CDH12: variants seen among roughly 807,000 people sequenced by gnomAD.
CDH12 encodes cadherin 12.
In CDH12, 41 loss-of-function variants were observed where a neutral mutation model predicts 74.1. The ratio of observed to expected loss-of-function variants is 0.55; its 90% CI spans 0.43 to 0.72. The LOEUF (loss-of-function observed/expected upper bound fraction) is 0.72, where lower values mean the gene tolerates loss of function less well. Among genes scored for constraint, CDH12 ranks in the 30% least tolerant of loss-of-function variants. The pLI is 0.00. For missense variants in CDH12, 945 were observed against 977.2 expected (o/e 0.97, Z 0.44); for synonymous variants, 399 against 355.0 (o/e 1.12, Z -1.39).
intron 1 of CDH12, among the ~76,000 whole-genome samples, chr5:22,665,366 G>T (rs960639604): frequency 8.5e-5 from 13 of 152,112 alleles, no homozygotes; most frequent in Non-Finnish European, 4.4e-5. Context: ...GGATTTAAGA[G>T]ACTTAAGGGG....
At chr5:22,503,323 G>T (rs1482109993) in intron 2 of CDH12, among the ~76,000 whole-genome samples, 2 of 152,006 alleles carry the variant, frequency 1.3e-5, no homozygotes, top group Non-Finnish European at 2.9e-5. Flanking sequence ...ATAAAAGGGG[G>T]TGGTAACATC....
intron 1 of CDH12, among the ~76,000 whole-genome samples, chr5:22,702,692 T>A (rs761180134): frequency 6.6e-5 from 10 of 152,184 alleles, no homozygotes; most frequent in Non-Finnish European, 1.2e-4. Context: ...AATCTCTTTA[T>A]TCTGCACATC....
Position 22,512,219 on chromosome 5 carries a change from G to A in CDH12, c.-522-6855C>T, listed in dbSNP as rs529001779. Among the ~76,000 whole-genome samples, 18 of 152,208 alleles carry A rather than the reference G, an allele frequency of 1.2e-4. No individual in the cohort carries two copies. The South Asian group carries it at 3.5e-3, about 30-fold the overall frequency. ...GCAACAAAAGACTATATTAAGTGAA[G>A]GCTGTTAGCTTACAAAGTGATAAGA... On this transcript the variant is annotated intron_variant, in intron 1 of 14. Coordinates refer to ENST00000382254, the MANE Select transcript of CDH12 (RefSeq NM_004061.5).
chr5:22,413,774 T>G (rs181536565), intron 2 of CDH12, among the ~76,000 whole-genome samples: 1 of 152,142 alleles, frequency 6.6e-6, no homozygotes. Flanking sequence ...CTATTTTATT[T>G]ACTTTTTTTC....
At chr5:21,814,224 T>G (rs540429066) in intron 9 of CDH12, among the ~76,000 whole-genome samples, 1 of 152,010 alleles carries the variant, frequency 6.6e-6, no homozygotes, top group South Asian at 2.1e-4. Flanking sequence ...ATCTACCCTA[T>G]CTAAATCTAT....
intron 1 of CDH12, among the ~76,000 whole-genome samples, chr5:22,707,290 C>T (rs1162666726): frequency 6.6e-6 from 1 of 152,102 alleles, no homozygotes; most frequent in Non-Finnish European, 1.5e-5. Flanking sequence ...CAAATTAAAT[C>T]CGTCTTTGTA....
At chr5:21,993,213 C>G (rs555168557) in intron 5 of CDH12, among the ~76,000 whole-genome samples, 20 of 152,224 alleles carry the variant, frequency 1.3e-4, no homozygotes, top group African/African-American at 4.8e-4. Context: ...AAATCAAAAT[C>G]AAACCTGAAT....
intron 1 of CDH12, among the ~76,000 whole-genome samples, chr5:22,562,343 CA>C (rs1008490273): frequency 4.0e-5 from 6 of 149,910 alleles, no homozygotes; most frequent in South Asian, 4.2e-4. Context: ...AACAAACAAA[CA>C]AAAAAAAACA....
At chr5:22,378,015 C>T (rs1471580286) in intron 3 of CDH12, among the ~76,000 whole-genome samples, 1 of 152,124 alleles carries the variant, frequency 6.6e-6, no homozygotes, top group East Asian at 1.9e-4. Flanking sequence ...TTTTTTAAGG[C>T]TAGAATAACT....
intron 3 of CDH12, among the ~76,000 whole-genome samples, chr5:22,346,548 T>C (rs1740124648): frequency 6.6e-6 from 1 of 152,212 alleles, no homozygotes; most frequent in Non-Finnish European, 1.5e-5. Context: ...TGATAGATTA[T>C]ATAATAGATT....
intron 1 of CDH12, among the ~76,000 whole-genome samples, chr5:22,817,020 A>G (rs1749426838): frequency 6.6e-6 from 1 of 152,008 alleles, no homozygotes; most frequent in Admixed American, 6.6e-5. Context: ...AAATTCTCTA[A>G]CTCACATCTA....
chr5:22,414,042 T>C (rs1174649698), intron 2 of CDH12, among the ~76,000 whole-genome samples: 1 of 152,036 alleles, frequency 6.6e-6, no homozygotes, highest in Non-Finnish European at 1.5e-5. Context: ...AATCAGATAA[T>C]TTATGTTTAT....
chr5:22,604,561 C>T (rs866795257), intron 1 of CDH12, among the ~76,000 whole-genome samples: 21 of 152,308 alleles, frequency 1.4e-4, no homozygotes, highest in South Asian at 6.2e-4. Flanking sequence ...AGAGAGAAAT[C>T]AGCATCACTA....
intron 1 of CDH12, among the ~76,000 whole-genome samples, chr5:22,843,612 T>TGG (rs1737172583): frequency 8.3e-6 from 1 of 119,772 alleles, no homozygotes; most frequent in Non-Finnish European, 1.8e-5. Flanking sequence ...TTAACATTTG[T>TGG]GGTGTGTGTG....
chr5:21,783,494 C>A lies in CDH12; in HGVS notation c.1257G>T (p.Arg419Ser), dbSNP rs1746032508. The change falls in exon 11 of 15, where the codon AGG becomes AGT. Residue 419 changes from arginine (R) to serine (S), a missense_variant and splice_region_variant. Arg to Ser is a moderately radical substitution (Grantham distance 110). Around this residue, in one of 3 missense-constraint regions of CDH12, gnomAD observed 791 missense variants for 792.8 expected, o/e 1.00. Coordinates refer to ENST00000382254, the MANE Select transcript of CDH12 (RefSeq NM_004061.5). ...CATCACTCTTCCAATCTATGAAGTA[C>A]CTGTATATGAAAAGAGTAGATGCAA... ...QDLDVGSSAV[R>S]YFIDWKSDGD... 6.2e-7 allele frequency: 1 copy of A among 1,602,404 alleles called. No homozygotes were observed. The highest frequency in any genetic ancestry group is 1.3e-5 in the African/African-American group (1 of 74,534).
At chr5:22,089,715 G>T (rs914497553) in intron 4 of CDH12, among the ~76,000 whole-genome samples, 2 of 151,574 alleles carry the variant, frequency 1.3e-5, no homozygotes, top group African/African-American at 4.8e-5. Context: ...ATCAACTGCA[G>T]AAAAAAAATT....
At chr5:22,031,530 C>A (rs1264472390) in intron 5 of CDH12, among the ~76,000 whole-genome samples, 6 of 152,136 alleles carry the variant, frequency 3.9e-5, no homozygotes, top group African/African-American at 1.4e-4. Context: ...GACTATTCTG[C>A]ACAAGAAGCC....
chr5:22,294,778 C>T (rs1452268762), intron 3 of CDH12, among the ~76,000 whole-genome samples: 1 of 152,198 alleles, frequency 6.6e-6, no homozygotes, highest in East Asian at 1.9e-4. Flanking sequence ...TTCTTCCCGA[C>T]TATAGGTCCA....
chr5:22,559,097 A>C (rs369405498), intron 1 of CDH12, among the ~76,000 whole-genome samples: 51 of 152,118 alleles, frequency 3.4e-4, no homozygotes, highest in African/African-American at 1.2e-3. Flanking sequence ...GGATGCTAGA[A>C]AACTAGTTGT....
Sources: gnomAD v4.1 joint callset for allele counts (sites outside exome capture counted in the v4.1 genomes callset) on GRCh38, gnomAD v4.1.1 for gene constraint, gnomAD v4.1.1 regional missense constraint, MANE v1.5 for transcripts, NCBI Gene and HGNC (gene_info 2026-07-23, HGNC 2026-07-21) for gene names.